ACTR3B: variants seen among roughly 807,000 people sequenced by gnomAD.
ACTR3B encodes actin related protein 3B.
In ACTR3B, 8 loss-of-function variants were observed where a neutral mutation model predicts 59.0. That is an observed-to-expected ratio of 0.14 (90% confidence interval 0.08 to 0.24). The LOEUF (loss-of-function observed/expected upper bound fraction) is 0.24, where lower values mean the gene tolerates loss of function less well. ACTR3B is among the 10% of genes least tolerant of loss of function. The pLI is 1.00. For synonymous variants in ACTR3B, 148 were observed against 197.9 expected, an observed-to-expected ratio of 0.75 and a Z score of 2.12; for missense variants, 245 against 552.3, an observed-to-expected ratio of 0.44 and a Z score of 5.58.
At chr7:152,773,775 C>T (rs577519286) in intron 1 of ACTR3B, among the ~76,000 whole-genome samples, 2 of 152,260 alleles carry the variant, frequency 1.3e-5, no homozygotes, top group Admixed American at 6.5e-5. Flanking sequence ...ACTGTGGGTG[C>T]AGAGAACCTT....
intron 1 of ACTR3B, among the ~76,000 whole-genome samples, chr7:152,761,955 A>C (rs1213141667): frequency 6.6e-6 from 1 of 152,210 alleles, no homozygotes; most frequent in African/African-American, 2.4e-5. Flanking sequence ...TGACAACATC[A>C]TAAGAGTCAT....
At chr7:152,848,575 T>C (rs1247712981) in intron 9 of ACTR3B, among the ~76,000 whole-genome samples, 1 of 152,226 alleles carries the variant, frequency 6.6e-6, no homozygotes, top group African/African-American at 2.4e-5. Context: ...TAATTCTTAA[T>C]TGGATATAAG....
chr7:152,762,951 CTTGGATCAT>C (rs2098094573), intron 1 of ACTR3B, among the ~76,000 whole-genome samples: 1 of 152,208 alleles, frequency 6.6e-6, no homozygotes, highest in Non-Finnish European at 1.5e-5. Flanking sequence ...ATGAAGTTCA[CTTGGATCAT>C]TTGGAGAGGG....
At position 152,785,721 on chromosome 7, in the gene ACTR3B, C is replaced by T. The variant is rs368742406; in HGVS notation, c.100+2479C>T. ...GAGTGCTGGAGCAAGACTTTCTCTGCGTGGCATGGAGGTGAGGTGCTGTGG... is the reference window on the plus strand; with the variant it reads ...GAGTGCTGGAGCAAGACTTTCTCTGTGTGGCATGGAGGTGAGGTGCTGTGG... On this transcript the variant is annotated intron_variant, in intron 2 of 11. Coordinates refer to ENST00000256001, the MANE Select transcript of ACTR3B (RefSeq NM_020445.6). Among the ~76,000 whole-genome samples the T allele has an allele frequency of 9.5e-4, 46 of 48,642 alleles. No individual in the cohort carries two copies. In the East Asian group the frequency reaches 0.031, roughly 33 times the overall value. 31.9% of individuals were successfully genotyped at this position (48,642 alleles called of 152,430 possible).
At chr7:152,777,183 T>A (rs2098138097) in intron 1 of ACTR3B, among the ~76,000 whole-genome samples, 1 of 152,174 alleles carries the variant, frequency 6.6e-6, no homozygotes, top group African/African-American at 2.4e-5. Context: ...CTGTGTATAA[T>A]TTACCACCAC....
chr7:152,808,769 C>G (rs1451865105), intron 4 of ACTR3B, among the ~76,000 whole-genome samples: 1 of 152,162 alleles, frequency 6.6e-6, no homozygotes, highest in Admixed American at 6.5e-5. Flanking sequence ...GTTATTTCTT[C>G]TGGGATGAGA....
intron 9 of ACTR3B, among the ~76,000 whole-genome samples, chr7:152,849,288 C>G (rs1435725152): frequency 1.3e-5 from 2 of 152,150 alleles, no homozygotes; most frequent in African/African-American, 2.4e-5. Flanking sequence ...CAGGGCTGTT[C>G]CCTGTGAGTA....
At chr7:152,760,718 C>T (rs7809363) in intron 1 of ACTR3B, among the ~76,000 whole-genome samples, 68,004 of 151,988 alleles carry the variant, frequency 0.45, 15,910 homozygotes, top group Non-Finnish European at 0.51. Context: ...CTTTCGTTGC[C>T]GTTAAGCTAT....
At chr7:152,829,046 A>G (rs866955135) in intron 9 of ACTR3B, among the ~76,000 whole-genome samples, 282 of 138,504 alleles carry the variant, frequency 2.0e-3, no homozygotes, top group Non-Finnish European at 2.9e-3. Flanking sequence ...GTGTGTGTGT[A>G]TATATATATA....
At chr7:152,778,943 CAAAAAAAAAAAAAAAAAAAAAAAAAAAA>C (rs59789390) in intron 1 of ACTR3B, among the ~76,000 whole-genome samples, 8 of 36,796 alleles carry the variant, frequency 2.2e-4, no homozygotes, top group Admixed American at 5.2e-4. Context: ...ACTGTGTCTC[CAAAAAAAAAAAAAAAAAAAAAAAAAAAA>C]AAAAAAAAAA....
chr7:152,797,986 A>G (rs935901446), intron 2 of ACTR3B, among the ~76,000 whole-genome samples: 6 of 152,144 alleles, frequency 3.9e-5, no homozygotes, highest in African/African-American at 1.2e-4. Flanking sequence ...GAATAGTGCT[A>G]CAGTAAACAT....
At position 152,774,668 on chromosome 7, in the gene ACTR3B, GA is replaced by G. The variant is rs1268198870; in HGVS notation, c.45-8510del. Reference sequence around the variant, plus strand: ...TCTTATATATACGAAGTAACATAGAGAAAAAAAAAGTACTCAGAAGGAGAAA... The same window carrying G: ...TCTTATATATACGAAGTAACATAGAGAAAAAAAAGTACTCAGAAGGAGAAA... On this transcript the variant is annotated intron_variant, in intron 1 of 11. Coordinates refer to ENST00000256001, the MANE Select transcript of ACTR3B (RefSeq NM_020445.6). Among the ~76,000 whole-genome samples the G allele has an allele frequency of 5.3e-5, 8 of 150,230 alleles. 1 individual carries two copies. The highest frequency in any genetic ancestry group is 4.2e-4 in the South Asian group (2 of 4,740).
chr7:152,816,244 G>A (rs1795683757), intron 5 of ACTR3B, among the ~76,000 whole-genome samples: 1 of 152,114 alleles, frequency 6.6e-6, no homozygotes, highest in African/African-American at 2.4e-5. Flanking sequence ...ACCACAGTCA[G>A]CCACGTTTCT....
At chr7:152,799,150 C>T (rs1038678857) in intron 2 of ACTR3B, among the ~76,000 whole-genome samples, 31 of 152,040 alleles carry the variant, frequency 2.0e-4, no homozygotes, top group African/African-American at 7.0e-4. Context: ...GCTACAGAGT[C>T]GTACTTTCAT....
chr7:152,834,333 T>A (rs1797267203), intron 9 of ACTR3B, among the ~76,000 whole-genome samples: 1 of 152,126 alleles, frequency 6.6e-6, no homozygotes, highest in African/African-American at 2.4e-5. Flanking sequence ...TTTGTATTTT[T>A]AGTAGAGACG....
At chr7:152,787,753 C>T (rs538383866) in intron 2 of ACTR3B, among the ~76,000 whole-genome samples, 22 of 151,942 alleles carry the variant, frequency 1.4e-4, no homozygotes, top group Non-Finnish European at 2.5e-4. Flanking sequence ...GTGTTCCGTA[C>T]GTTCCATACT....
intron 1 of ACTR3B, among the ~76,000 whole-genome samples, chr7:152,779,047 A>G (rs369242243): frequency 6.8e-6 from 1 of 147,212 alleles, no homozygotes; most frequent in Non-Finnish European, 1.5e-5. Context: ...TTATAGACAT[A>G]TCGTGCTAAA....
intron 1 of ACTR3B, among the ~76,000 whole-genome samples, chr7:152,774,998 G>C (rs919283689): frequency 4.0e-5 from 6 of 151,856 alleles, no homozygotes; most frequent in Admixed American, 2.0e-4. Context: ...ACCTCACCAG[G>C]GGTCTCAATC....
intron 5 of ACTR3B, among the ~76,000 whole-genome samples, chr7:152,815,632 C>T (rs1176816807): frequency 3.3e-5 from 5 of 152,202 alleles, no homozygotes; most frequent in Admixed American, 1.3e-4. Flanking sequence ...CATCCCTGGC[C>T]TCTGCCCACT....
Sources: gnomAD v4.1 joint callset for allele counts (sites outside exome capture counted in the v4.1 genomes callset) on GRCh38, gnomAD v4.1.1 for gene constraint, MANE v1.5 for transcripts, NCBI Gene and HGNC (gene_info 2026-07-23, HGNC 2026-07-21) for gene names.